Variants in BMP3 observed in about 807,000 individuals in gnomAD.
The protein encoded by BMP3 is bone morphogenetic protein 3 (osteogenic).
Under a neutral mutation model 38.1 loss-of-function variants are expected in BMP3, and 23 were observed. That is an observed-to-expected ratio of 0.60 (90% CI 0.43 to 0.86). The LOEUF is 0.86. BMP3 is among the 40% of genes least tolerant of loss of function. The pLI is 0.00. For missense variants in BMP3, 628 were observed against 579.6 expected (o/e 1.08, Z -0.86); for synonymous variants, 258 against 225.7 (o/e 1.14, Z -1.28).
At chr4:81,042,230 T>C (rs1246999903) in intron 1 of BMP3, among the ~76,000 whole-genome samples, 1 of 152,228 alleles carries the variant, frequency 6.6e-6, no homozygotes, top group Non-Finnish European at 1.5e-5. Context: ...AAATTCAGTA[T>C]GTATTTTATA....
Position 81,046,092 on chromosome 4 carries a change from A to G in BMP3, c.671A>G (p.Lys224Arg), listed in dbSNP as rs1219083355. The G allele has an allele frequency of 3.7e-6, 6 of 1,614,186 alleles. No homozygotes were observed. The highest frequency in any genetic ancestry group is 1.1e-5 in the South Asian group (1 of 91,086). ...EFLIGFNITS[K>R]GRQLPKRRLP... Reference sequence around the variant, plus strand: ...CTCATAGGATTTAACATTACGTCCAAGGGACGCCAGCTGCCAAAGAGGAGG... The same window carrying G: ...CTCATAGGATTTAACATTACGTCCAGGGGACGCCAGCTGCCAAAGAGGAGG... Residue 224 changes from lysine (K) to arginine (R), a missense_variant, in exon 2 of 3, where the codon AAG (lysine) becomes AGG (arginine). Transcript: ENST00000282701.
rs2109914583 is a variant in BMP3 at position 81,053,660 on chromosome 4, T to TA, written c.*125dup. On this transcript the variant is annotated 3_prime_UTR_variant, in exon 3 of 3. Coordinates refer to ENST00000282701, the MANE Select transcript of BMP3 (RefSeq NM_001201.5). ...ATTTTGTTTCAAAAGATTATTTCTA[T>TA]AGTCAGAGGGGAATGAGCAAATAGA... is the stretch of plus-strand genomic sequence containing the variant. 1 of 577,608 alleles carries TA rather than the reference T, an allele frequency of 1.7e-6. No homozygotes were observed. The highest frequency in any genetic ancestry group is 4.5e-5 in the South Asian group (1 of 22,002). 35.8% of individuals were successfully genotyped at this position (577,608 alleles called of 1,614,324 possible). A position where few individuals can be genotyped will look rare whatever the true frequency, so the allele number is the denominator to read the frequency against.
chr4:81,044,005 G>A (rs1292613329), intron 1 of BMP3, among the ~76,000 whole-genome samples: 2 of 152,114 alleles, frequency 1.3e-5, no homozygotes, highest in African/African-American at 4.8e-5. Flanking sequence ...ACACTTTATG[G>A]ACTGCTTTAT....
intron 2 of BMP3, among the ~76,000 whole-genome samples, chr4:81,051,184 A>G (rs896510268): frequency 7.2e-5 from 11 of 152,202 alleles, no homozygotes; most frequent in Non-Finnish European, 1.3e-4. Context: ...TGTAAAAAAA[A>G]GGACAGGAAT....
In BMP3 at chr4:81,056,435, C is replaced by G. The variant is rs1740570385; in HGVS notation, c.*2899C>G. Reference sequence around the variant, plus strand: ...CACTGCAACCTCCACCTCCCAGGTTCAAGCAGTTCTCCTGCCTCAGCCTCC... The same window carrying G: ...CACTGCAACCTCCACCTCCCAGGTTGAAGCAGTTCTCCTGCCTCAGCCTCC... On this transcript the variant is annotated 3_prime_UTR_variant, in exon 3 of 3. Coordinates refer to ENST00000282701, the MANE Select transcript of BMP3 (RefSeq NM_001201.5). The G allele has an allele frequency of 6.6e-6, 1 of 152,236 alleles. No individual in the cohort carries two copies. Among genetic ancestry groups the G allele is most frequent in the African/African-American group, 2.4e-5 (1 of 41,388 alleles). The allele number at this position is 152,236 out of a possible 1,614,324, so 9.4% of individuals were successfully genotyped here.
At position 81,031,488 on chromosome 4, in the gene BMP3, C is replaced by T; in HGVS notation, c.204C>T (p.Ser68=). ...TGCTGCGGCTCTATGACAGGTACAG[C>T]ACGGTCCAGGCGGCCCGGACACCGG... is the stretch of plus-strand genomic sequence containing the variant. The part of the protein sequence containing the change: ...EHMLRLYDRY[S]TVQAARTPGS... The change falls in exon 1 of 3, where the codon AGC becomes AGT. Residue 68 remains serine (S), a synonymous_variant. Coordinates refer to ENST00000282701, the MANE Select transcript of BMP3 (RefSeq NM_001201.5). The T allele has an allele frequency of 8.1e-6, 13 of 1,613,158 alleles. No individual in the cohort carries two copies. The highest frequency in any genetic ancestry group is 1.0e-5 in the Non-Finnish European group (12 of 1,179,640).
At chr4:81,050,178 C>T (rs1325070825) in intron 2 of BMP3, among the ~76,000 whole-genome samples, 1 of 152,188 alleles carries the variant, frequency 6.6e-6, no homozygotes, top group Non-Finnish European at 1.5e-5. Flanking sequence ...AATGAAGGCT[C>T]TTAGCTGATG....
chr4:81,035,401 A>T (rs1739896595), intron 1 of BMP3, among the ~76,000 whole-genome samples: 1 of 152,060 alleles, frequency 6.6e-6, no homozygotes, highest in African/African-American at 2.4e-5. Context: ...TACACTAGAA[A>T]TAGATAAATA....
At chr4:81,048,816 C>G (rs538816091) in intron 2 of BMP3, among the ~76,000 whole-genome samples, 1 of 152,286 alleles carries the variant, frequency 6.6e-6, no homozygotes, top group East Asian at 1.9e-4. Flanking sequence ...GCAAATTGCC[C>G]TGGATTTAGT....
chr4:81,035,390 G>T (rs910654187), intron 1 of BMP3, among the ~76,000 whole-genome samples: 4 of 151,934 alleles, frequency 2.6e-5, no homozygotes, highest in African/African-American at 9.7e-5. Flanking sequence ...AGGAATATTT[G>T]TACACTAGAA....
chr4:81,034,573 AAC>A (rs1739870253), intron 1 of BMP3, among the ~76,000 whole-genome samples: 2 of 152,292 alleles, frequency 1.3e-5, no homozygotes, highest in South Asian at 4.2e-4. Context: ...CTTTAGGAAA[AAC>A]AATTAAAGCA....
In BMP3 at chr4:81,046,154, A is replaced by C; in HGVS notation, c.733A>C (p.Asn245His). The C allele has an allele frequency of 3.7e-6, 6 of 1,614,116 alleles. No homozygotes were observed. Among genetic ancestry groups the C allele is most frequent in the Non-Finnish European group, 5.1e-6 (6 of 1,180,042 alleles). The change falls in exon 2 of 3, where the codon AAT becomes CAT. Residue 245 changes from asparagine to histidine, a missense_variant. By Grantham distance (68) the Asn-to-His change is moderately conservative. Coordinates refer to ENST00000282701, the MANE Select transcript of BMP3 (RefSeq NM_001201.5). Reference protein sequence around the residue: ...FPEPYILVYANDAAISEPESV... With the variant: ...FPEPYILVYAHDAAISEPESV... ...AGAGCCTTATATCTTGGTATATGCC[A>C]ATGATGCCGCCATTTCTGAGCCAGA...
chr4:81,036,324 C>T, intron 1 of BMP3, among the ~76,000 whole-genome samples: 1 of 151,796 alleles, frequency 6.6e-6, no homozygotes. Context: ...ATTATAAATC[C>T]CCAGTGTTTG....
intron 1 of BMP3, among the ~76,000 whole-genome samples, chr4:81,037,139 T>C (rs896579260): frequency 2.6e-5 from 4 of 152,094 alleles, no homozygotes; most frequent in African/African-American, 4.8e-5. Flanking sequence ...ACTAAGGTAC[T>C]GTTAAATATC....
chr4:81,045,735 T>C lies in BMP3; in HGVS notation c.317-3T>C, dbSNP rs776358110. ...GTTTACTCTCTTTCTTTTTCCTTCC[T>C]AGAAACTCTTGAAAGAAAAGGACTG... On this transcript the variant is annotated splice_region_variant and splice_polypyrimidine_tract_variant and intron_variant, in intron 1 of 2. Transcript: ENST00000282701. 12 of 1,572,768 alleles carry C rather than the reference T, an allele frequency of 7.6e-6. No individual in the cohort carries two copies. The South Asian group carries it at 1.4e-4, about 19-fold the overall frequency.
Position 81,053,394 on chromosome 4 carries a change from T to C in BMP3, c.1277T>C (p.Val426Ala), listed in dbSNP as rs200550776. Reference protein sequence around the residue: ...HATIQSIVRAVGVVPGIPEPC... With the variant: ...HATIQSIVRAAGVVPGIPEPC... ...ACCATCCAGAGTATAGTGAGAGCTG[T>C]GGGGGTCGTTCCTGGGATTCCTGAG... The change falls in exon 3 of 3, where the codon GTG becomes GCG. Residue 426 changes from valine (V) to alanine (A), a missense_variant. By Grantham distance (64) the Val-to-Ala change is moderately conservative. Transcript: ENST00000282701. The C allele has an allele frequency of 1.1e-5, 17 of 1,610,378 alleles. No homozygotes were observed. Among genetic ancestry groups the C allele is most frequent in the Non-Finnish European group, 1.3e-5 (15 of 1,178,566 alleles).
intron 1 of BMP3, among the ~76,000 whole-genome samples, chr4:81,039,193 C>T (rs1034948261): frequency 2.6e-5 from 4 of 152,162 alleles, no homozygotes; most frequent in Non-Finnish European, 5.9e-5. Context: ...GTGGATGTGT[C>T]CCTGTCCTAG....
chr4:81,040,830 G>A (rs543806002), intron 1 of BMP3, among the ~76,000 whole-genome samples: 9 of 152,110 alleles, frequency 5.9e-5, no homozygotes, highest in African/African-American at 1.2e-4. Context: ...GCCTAAAAAC[G>A]CATAAGTATT....
Position 81,030,738 on chromosome 4 carries a change from C to A in BMP3, c.-547C>A, listed in dbSNP as rs1739718177. ...TCTCTCATACACACACACACACGCACACACGCGCGCGCGCGCGCGCACACA... is the reference window on the plus strand; with the variant it reads ...TCTCTCATACACACACACACACGCAAACACGCGCGCGCGCGCGCGCACACA... On this transcript the variant is annotated 5_prime_UTR_variant, in exon 1 of 3. Transcript: ENST00000282701. Among the ~76,000 whole-genome samples the A allele has an allele frequency of 6.6e-6, 1 of 151,738 alleles. No homozygotes were observed. Among genetic ancestry groups the A allele is most frequent in the Admixed American group, 6.6e-5 (1 of 15,266 alleles).
Sources: allele counts gnomAD v4.1 joint callset (sites outside exome capture counted in the v4.1 genomes callset), GRCh38; gene constraint gnomAD v4.1.1; transcripts MANE v1.5; gene names NCBI Gene and HGNC (gene_info 2026-07-23, HGNC 2026-07-21).